ST6GAL2: variants seen among roughly 807,000 people sequenced by gnomAD.
The protein encoded by ST6GAL2 is ST6 beta-galactoside alpha-2,6-sialyltransferase 2.
ST6GAL2 carries 24 observed loss-of-function variants against 37.5 expected under a neutral mutation model. The ratio of observed to expected loss-of-function variants is 0.64; its 90% CI spans 0.46 to 0.90. The LOEUF is 0.90. Among genes scored for constraint, ST6GAL2 ranks in the 40% least tolerant of loss-of-function variants. The probability of loss-of-function intolerance (pLI) is 0.00; values close to 1 mark genes in which losing one functional copy is unlikely to be tolerated. For missense variants in ST6GAL2, 715 were observed against 712.7 expected (o/e 1.00, Z -0.04); for synonymous variants, 306 against 295.1 (o/e 1.04, Z -0.38).
At chr2:106,864,267 G>C (rs1677931816) in intron 1 of ST6GAL2, among the ~76,000 whole-genome samples, 2 of 152,194 alleles carry the variant, frequency 1.3e-5, no homozygotes, top group Non-Finnish European at 1.5e-5. Flanking sequence ...ACACCTGCAA[G>C]CCTATGCAAG....
chr2:106,882,244 T>C (rs1364549221), intron 1 of ST6GAL2, among the ~76,000 whole-genome samples: 2 of 152,228 alleles, frequency 1.3e-5, no homozygotes, highest in Non-Finnish European at 2.9e-5. Context: ...AGTTGGTCTC[T>C]GGCCCCACAC....
At chr2:106,846,632 C>T (rs1164655830) in intron 1 of ST6GAL2, among the ~76,000 whole-genome samples, 1 of 152,198 alleles carries the variant, frequency 6.6e-6, no homozygotes, top group Non-Finnish European at 1.5e-5. Context: ...CATTCGCTTA[C>T]ATGTATAAAT....
chr2:106,810,372 GA>G (rs2104415111), intron 5 of ST6GAL2, among the ~76,000 whole-genome samples: 1 of 152,318 alleles, frequency 6.6e-6, no homozygotes, highest in South Asian at 2.1e-4. Context: ...AGTCCAAATT[GA>G]AAGCCAATAG....
At chr2:106,875,166 TTTTG>T (rs1439021366) in intron 1 of ST6GAL2, among the ~76,000 whole-genome samples, 3 of 147,684 alleles carry the variant, frequency 2.0e-5, no homozygotes, top group Non-Finnish European at 4.4e-5. Flanking sequence ...ACTTTACTTT[TTTTG>T]TTTCTTTTTT....
At chr2:106,883,255 A>G (rs978910515) in intron 1 of ST6GAL2, among the ~76,000 whole-genome samples, 96 of 152,322 alleles carry the variant, frequency 6.3e-4, no homozygotes, top group African/African-American at 2.2e-3. Flanking sequence ...AAATTTTGTA[A>G]GGGGCATAAT....
intron 1 of ST6GAL2, among the ~76,000 whole-genome samples, chr2:106,848,860 A>C (rs1330445079): frequency 6.6e-6 from 1 of 152,198 alleles, no homozygotes; most frequent in Non-Finnish European, 1.5e-5. Flanking sequence ...GTTCCTGCAA[A>C]TAATTAGAAA....
chr2:106,808,048 T>TA (rs1313745772), intron 5 of ST6GAL2, among the ~76,000 whole-genome samples: 1 of 152,204 alleles, frequency 6.6e-6, no homozygotes, highest in East Asian at 1.9e-4. Flanking sequence ...TCCCTTGTTA[T>TA]AAAAAACATA....
At chr2:106,838,128 T>C (rs935599255) in intron 2 of ST6GAL2, among the ~76,000 whole-genome samples, 15 of 152,116 alleles carry the variant, frequency 9.9e-5, no homozygotes, top group African/African-American at 9.7e-5. Context: ...TGTCCATTCA[T>C]ATTTAGAAAA....
chr2:106,846,660 GTTTAC>G (rs781136690), intron 1 of ST6GAL2, among the ~76,000 whole-genome samples: 15 of 152,230 alleles, frequency 9.9e-5, no homozygotes, highest in South Asian at 4.1e-4. Flanking sequence ...TTTAAACTGT[GTTTAC>G]TTTATTTTGT....
intron 1 of ST6GAL2, among the ~76,000 whole-genome samples, chr2:106,872,712 C>T (rs1678325012): frequency 6.6e-6 from 1 of 151,850 alleles, no homozygotes; most frequent in Non-Finnish European, 1.5e-5. Context: ...AGAGGTTCTC[C>T]TGCCTCAGCC....
In ST6GAL2 at chr2:106,812,943, AC is replaced by A. The variant is rs1476627841; in HGVS notation, c.1319-5995del. 8 of 863,978 alleles carry A rather than the reference AC, an allele frequency of 9.3e-6. No individual in the cohort carries two copies. The African/African-American group carries it at 1.4e-4, about 15-fold the overall frequency. 53.5% of individuals were successfully genotyped at this position (863,978 alleles called of 1,614,324 possible). A position where few individuals can be genotyped will look rare whatever the true frequency, so the allele number is the denominator to read the frequency against. ...GTTTAAGAACTACAAAAAATTAACA[AC>A]TTTATCACTAATGAAAGTTTTACTG... On this transcript the variant is annotated intron_variant, in intron 5 of 5. Coordinates refer to ENST00000409382, the MANE Select transcript of ST6GAL2 (RefSeq NM_001142351.2).
intron 1 of ST6GAL2, among the ~76,000 whole-genome samples, chr2:106,878,587 C>A (rs189268321): frequency 1.3e-5 from 2 of 152,216 alleles, no homozygotes; most frequent in African/African-American, 4.8e-5. Context: ...AACAGTAAGA[C>A]CCCTATCTCT....
At chr2:106,870,656 G>GTGCAACAT (rs1250874016) in intron 1 of ST6GAL2, among the ~76,000 whole-genome samples, 1 of 152,140 alleles carries the variant, frequency 6.6e-6, no homozygotes, top group East Asian at 1.9e-4. Context: ...TTCCTGAAGA[G>GTGCAACAT]TGCAACATTC....
intron 1 of ST6GAL2, among the ~76,000 whole-genome samples, chr2:106,855,095 G>A (rs1677523732): frequency 6.6e-6 from 1 of 152,120 alleles, no homozygotes; most frequent in African/African-American, 2.4e-5. Flanking sequence ...TCATAAGGTG[G>A]CATATATAGC....
At chr2:106,860,807 G>A (rs1677768673) in intron 1 of ST6GAL2, among the ~76,000 whole-genome samples, 1 of 152,112 alleles carries the variant, frequency 6.6e-6, no homozygotes, top group Non-Finnish European at 1.5e-5. Flanking sequence ...CCTCACAAAT[G>A]GTTTTGGCTA....
At chr2:106,849,681 T>G (rs950266156) in intron 1 of ST6GAL2, among the ~76,000 whole-genome samples, 4 of 152,136 alleles carry the variant, frequency 2.6e-5, no homozygotes, top group African/African-American at 9.7e-5. Flanking sequence ...AAAAGAGACA[T>G]GTACCATCTA....
rs568024227 is a variant in ST6GAL2 at position 106,870,189 on chromosome 2, G to C, written c.-58+15904C>G. Among the ~76,000 whole-genome samples the C allele has an allele frequency of 2.6e-5, 4 of 152,264 alleles. No homozygotes were observed. In the South Asian group the frequency reaches 8.3e-4, roughly 32 times the overall value. ...TTCTTCCCACCCTTCATTGGCCAGA[G>C]AGAGTCCTGGAATTGTGCAGAGCCC... On this transcript the variant is annotated intron_variant, in intron 1 of 5. Coordinates refer to ENST00000409382, the MANE Select transcript of ST6GAL2 (RefSeq NM_001142351.2).
chr2:106,865,425 C>T (rs999621194), intron 1 of ST6GAL2, among the ~76,000 whole-genome samples: 5 of 152,160 alleles, frequency 3.3e-5, no homozygotes, highest in African/African-American at 7.2e-5. Context: ...TATGTGTCTA[C>T]GTGATACTGA....
chr2:106,872,007 T>C (rs1299276824), intron 1 of ST6GAL2, among the ~76,000 whole-genome samples: 1 of 152,268 alleles, frequency 6.6e-6, no homozygotes, highest in African/African-American at 2.4e-5. Context: ...GACTTTTCTA[T>C]GACTGGCATA....
Sources: allele counts gnomAD v4.1 joint callset (sites outside exome capture counted in the v4.1 genomes callset), GRCh38; gene constraint gnomAD v4.1.1; transcripts MANE v1.5; gene names NCBI Gene and HGNC (gene_info 2026-07-23, HGNC 2026-07-21).